KCNB2: variants seen among roughly 807,000 people sequenced by gnomAD.
KCNB2 encodes the protein potassium voltage-gated channel subfamily B member 2.
A neutral mutation model predicts 61.5 loss-of-function variants in KCNB2; 15 were observed. The observed-to-expected ratio is 0.24, with a 90% CI of 0.16 to 0.38. The LOEUF is 0.38. Among genes scored for constraint, KCNB2 ranks in the 10% least tolerant of loss-of-function variants. KCNB2 has a pLI of 1.00. For missense variants in KCNB2, 828 were observed against 1,125.2 expected, an observed-to-expected ratio of 0.74 and a Z score of 3.78; for synonymous variants, 457 against 446.0, an observed-to-expected ratio of 1.02 and a Z score of -0.31.
chr8:72,916,011 A>G (rs1806392449), intron 2 of KCNB2, among the ~76,000 whole-genome samples: 1 of 152,154 alleles, frequency 6.6e-6, no homozygotes, highest in African/African-American at 2.4e-5. Flanking sequence ...ACTATTTATA[A>G]GGCTAGAGGG....
intron 2 of KCNB2, among the ~76,000 whole-genome samples, chr8:72,649,335 A>G (rs62518101): frequency 1.6e-4 from 25 of 152,292 alleles, no homozygotes; most frequent in Non-Finnish European, 2.5e-4. Context: ...AGGATTCAAT[A>G]TCAGTCAATT....
At chr8:72,797,178 T>C (rs1042730552) in intron 2 of KCNB2, among the ~76,000 whole-genome samples, 3 of 152,218 alleles carry the variant, frequency 2.0e-5, no homozygotes, top group African/African-American at 7.2e-5. Flanking sequence ...ATTTGTAATC[T>C]CTAAAAGAGA....
chr8:72,693,845 C>G (rs889000543), intron 2 of KCNB2, among the ~76,000 whole-genome samples: 1 of 152,192 alleles, frequency 6.6e-6, no homozygotes, highest in African/African-American at 2.4e-5. Context: ...CCCTGCTTAT[C>G]TAAAAATCAG....
chr8:72,915,375 TAG>T (rs1476815422), intron 2 of KCNB2, among the ~76,000 whole-genome samples: 1 of 152,102 alleles, frequency 6.6e-6, no homozygotes, highest in Non-Finnish European at 1.5e-5. Flanking sequence ...TTGAACCAGT[TAG>T]AAGGCTAATC....
At chr8:72,649,089 A>G (rs1806175474) in intron 2 of KCNB2, among the ~76,000 whole-genome samples, 1 of 152,046 alleles carries the variant, frequency 6.6e-6, no homozygotes, top group South Asian at 2.1e-4. Flanking sequence ...TTAAAATAGG[A>G]TGTTTTCATT....
intron 2 of KCNB2, among the ~76,000 whole-genome samples, chr8:72,618,289 A>G (rs1210914956): frequency 1.3e-5 from 2 of 152,140 alleles, no homozygotes; most frequent in Non-Finnish European, 2.9e-5. Context: ...GTGCCCCCAA[A>G]TTATTTTTGA....
At chr8:72,777,564 C>T (rs904676504) in intron 2 of KCNB2, among the ~76,000 whole-genome samples, 1 of 152,132 alleles carries the variant, frequency 6.6e-6, no homozygotes, top group African/African-American at 2.4e-5. Context: ...AAAGTATTGT[C>T]CCAGTTAATT....
chr8:72,904,118 A>G (rs989112077), intron 2 of KCNB2, among the ~76,000 whole-genome samples: 1 of 151,972 alleles, frequency 6.6e-6, no homozygotes, highest in Non-Finnish European at 1.5e-5. Context: ...ATTTTCATCT[A>G]TTACTATCTT....
intron 2 of KCNB2, among the ~76,000 whole-genome samples, chr8:72,586,109 G>A (rs1032268062): frequency 7.2e-5 from 11 of 152,142 alleles, no homozygotes; most frequent in African/African-American, 2.7e-4. Flanking sequence ...AGATGCCTTA[G>A]GCTTACCAGA....
At chr8:72,650,113 A>G (rs1479122074) in intron 2 of KCNB2, among the ~76,000 whole-genome samples, 3 of 152,200 alleles carry the variant, frequency 2.0e-5, no homozygotes, top group East Asian at 3.8e-4. Flanking sequence ...AGTCACTTAC[A>G]TAGTTAATTA....
chr8:72,712,399 T>C (rs1346813139), intron 2 of KCNB2, among the ~76,000 whole-genome samples: 2 of 152,222 alleles, frequency 1.3e-5, no homozygotes, highest in African/African-American at 4.8e-5. Flanking sequence ...CTTTTTGTTT[T>C]GAAGAAAGTT....
At chr8:72,635,129 C>T (rs1412768861) in intron 2 of KCNB2, among the ~76,000 whole-genome samples, 4 of 152,124 alleles carry the variant, frequency 2.6e-5, no homozygotes, top group Non-Finnish European at 4.4e-5. Flanking sequence ...TGAAGCTTGG[C>T]GTGAAGGCTG....
chr8:72,618,631 C>T (rs2128983995), intron 2 of KCNB2: 1 of 153,448 alleles, frequency 6.5e-6, no homozygotes, highest in Non-Finnish European at 1.5e-5. Flanking sequence ...ACAGAAATTA[C>T]ATTATTAAGC....
In KCNB2 at chr8:72,707,141, A is replaced by G. The variant is rs147897998; in HGVS notation, c.579+138828A>G. Among the ~76,000 whole-genome samples the G allele has an allele frequency of 2.6e-4, 39 of 152,360 alleles. No homozygotes were observed. The East Asian group carries it at 7.3e-3, about 29-fold the overall frequency. On this transcript the variant is annotated intron_variant, in intron 2 of 2. Coordinates refer to ENST00000523207, the MANE Select transcript of KCNB2 (RefSeq NM_004770.3). ...CAGAAGTAAACCATCCCAGAGAGGT[A>G]AGAACCTGAATTACAAAGACATCCA...
At chr8:72,669,185 C>T (rs1163935915) in intron 2 of KCNB2, among the ~76,000 whole-genome samples, 1 of 152,130 alleles carries the variant, frequency 6.6e-6, no homozygotes, top group Non-Finnish European at 1.5e-5. Context: ...GTTCTTCCAG[C>T]TCCTTTCCAG....
At chr8:72,935,860 A>T in intron 2 of KCNB2, 75 bp from the exon 3 acceptor site, 1 of 997,590 alleles carries the variant, frequency 1.0e-6, no homozygotes, top group East Asian at 2.4e-5. Flanking sequence ...TAGTTAAACA[A>T]TCACCGACCC....
intron 2 of KCNB2, among the ~76,000 whole-genome samples, chr8:72,927,481 G>A (rs747170547): frequency 2.0e-5 from 3 of 152,078 alleles, no homozygotes; most frequent in Non-Finnish European, 4.4e-5. Context: ...GTGTTGGTCA[G>A]GCTGGTCTTG....
chr8:72,927,784 C>G (rs1420756590), intron 2 of KCNB2, among the ~76,000 whole-genome samples: 2 of 152,204 alleles, frequency 1.3e-5, no homozygotes, highest in African/African-American at 4.8e-5. Context: ...TCACAAACCC[C>G]TATGTGTCAT....
chr8:72,600,806 A>G (rs1805336680), intron 2 of KCNB2, among the ~76,000 whole-genome samples: 1 of 152,078 alleles, frequency 6.6e-6, no homozygotes, highest in South Asian at 2.1e-4. Flanking sequence ...ATGGATGCAT[A>G]GAGGGGAACA....
Sources: gnomAD v4.1 joint callset for allele counts (sites outside exome capture counted in the v4.1 genomes callset) on GRCh38, gnomAD v4.1.1 for gene constraint, MANE v1.5 for transcripts, NCBI Gene and HGNC (gene_info 2026-07-23, HGNC 2026-07-21) for gene names.